MLLT10: variants seen among roughly 807,000 people sequenced by gnomAD.
MLLT10 encodes the protein protein AF-10.
Under a neutral mutation model 129.1 loss-of-function variants are expected in MLLT10, and 30 were observed. The ratio of observed to expected loss-of-function variants is 0.23; its 90% CI spans 0.17 to 0.32. The LOEUF (loss-of-function observed/expected upper bound fraction) is 0.32. Among genes scored for constraint, MLLT10 ranks in the 10% least tolerant of loss-of-function variants. The probability of loss-of-function intolerance (pLI) is 1.00; values close to 1 mark genes in which losing one functional copy is unlikely to be tolerated. For synonymous variants in MLLT10, 490 were observed against 446.4 expected (o/e 1.10, Z -1.23); for missense variants, 1,119 against 1,268.3 (o/e 0.88, Z 1.79).
Position 21,642,581 on chromosome 10 carries a change from G to A in MLLT10, c.700-9092G>A, listed in dbSNP as rs145201497. Among the ~76,000 whole-genome samples the A allele has an allele frequency of 6.3e-4, 96 of 151,184 alleles. 1 individual carries two copies. Among genetic ancestry groups the A allele is most frequent in the East Asian group, 4.3e-3 (22 of 5,130 alleles). On this transcript the variant is annotated intron_variant, in intron 8 of 22. Coordinates refer to ENST00000307729, the MANE Select transcript of MLLT10 (RefSeq NM_001195626.3). Reference sequence around the variant, plus strand: ...ATGAGGCAGGAGAATTGCTTGAGCCGGGGAGACGGAGGTTGCAGTGAGCCA... The same window carrying A: ...ATGAGGCAGGAGAATTGCTTGAGCCAGGGAGACGGAGGTTGCAGTGAGCCA...
At chr10:21,701,538 A>C (rs527682830) in intron 13 of MLLT10, among the ~76,000 whole-genome samples, 72 of 151,966 alleles carry the variant, frequency 4.7e-4, no homozygotes, top group African/African-American at 1.6e-3. Context: ...AAATTTTTTT[A>C]TATCCATCTT....
At chr10:21,549,141 T>TTA (rs1554784427) in intron 3 of MLLT10, among the ~76,000 whole-genome samples, 2 of 149,172 alleles carry the variant, frequency 1.3e-5, no homozygotes, top group Non-Finnish European at 3.0e-5. Flanking sequence ...TTTTTTTTTT[T>TTA]AGACTTGAGT....
At chr10:21,741,041 G>A (rs947048927) in intron 22 of MLLT10, among the ~76,000 whole-genome samples, 6 of 152,178 alleles carry the variant, frequency 3.9e-5, no homozygotes, top group East Asian at 1.9e-4. Context: ...GCTGTTTCCC[G>A]TTACTTTGAA....
chr10:21,535,228 C>T (rs1005056995), intron 2 of MLLT10, among the ~76,000 whole-genome samples: 15 of 152,152 alleles, frequency 9.9e-5, no homozygotes, highest in Admixed American at 7.2e-4. Flanking sequence ...TGGCCTGCAG[C>T]CGCCTGTCTG....
At chr10:21,581,033 A>G (rs1338757572) in intron 3 of MLLT10, among the ~76,000 whole-genome samples, 1 of 147,398 alleles carries the variant, frequency 6.8e-6, no homozygotes, top group African/African-American at 2.5e-5. Flanking sequence ...TTTTCTTTTA[A>G]TGTTCAGTGA....
rs529658220 is a variant in MLLT10 at position 21,715,176 on chromosome 10, C to T, written c.1878+1226C>T. ...TGCGTGTGTTGTTAGGATATATATACGCTTTTCCGGCAAGCACAATGTTAG... is the reference window on the plus strand; with the variant it reads ...TGCGTGTGTTGTTAGGATATATATATGCTTTTCCGGCAAGCACAATGTTAG... On this transcript the variant is annotated intron_variant, in intron 14 of 22. Transcript: ENST00000307729. Among the ~76,000 whole-genome samples, 6 of 152,262 alleles carry T rather than the reference C, an allele frequency of 3.9e-5. No homozygotes were observed. The South Asian group carries it at 1.0e-3, about 26-fold the overall frequency.
At chr10:21,603,854 TCTG>T (rs2043804743) in intron 5 of MLLT10, among the ~76,000 whole-genome samples, 1 of 151,630 alleles carries the variant, frequency 6.6e-6, no homozygotes, top group African/African-American at 2.4e-5. Flanking sequence ...CACCCTAATC[TCTG>T]CTGCTATCTT....
chr10:21,699,105 C>T (rs1229281618), intron 13 of MLLT10, among the ~76,000 whole-genome samples: 1 of 152,176 alleles, frequency 6.6e-6, no homozygotes, highest in African/African-American at 2.4e-5. Flanking sequence ...AAACTCCTGA[C>T]CTCAGGTGAT....
rs1459327261 is a variant in MLLT10 at position 21,689,729 on chromosome 10, C to T, written c.1699+7472C>T. Among the ~76,000 whole-genome samples the T allele has an allele frequency of 5.4e-5, 8 of 148,110 alleles. No individual in the cohort carries two copies. The Admixed American group carries it at 5.4e-4, about 10-fold the overall frequency. On this transcript the variant is annotated intron_variant, in intron 13 of 22. Transcript: ENST00000307729. Reference sequence around the variant, plus strand: ...TTGATATGAAAAATAACAACATTAGCTATTAGTCCAAGGAGTTGAAAGCAG... The same window carrying T: ...TTGATATGAAAAATAACAACATTAGTTATTAGTCCAAGGAGTTGAAAGCAG...
At chr10:21,680,898 G>A (rs746231775) in intron 11 of MLLT10, among the ~76,000 whole-genome samples, 15 of 151,860 alleles carry the variant, frequency 9.9e-5, no homozygotes, top group Non-Finnish European at 1.5e-4. Flanking sequence ...CTTGAACCCA[G>A]TGAGCCGAGC....
intron 3 of MLLT10, among the ~76,000 whole-genome samples, chr10:21,547,628 C>G (rs988798177): frequency 4.6e-5 from 7 of 151,398 alleles, no homozygotes; most frequent in African/African-American, 1.7e-4. Flanking sequence ...TCAAGTGATT[C>G]TCATGGGTTC....
chr10:21,650,108 A>G (rs565440079), intron 8 of MLLT10, among the ~76,000 whole-genome samples: 82 of 152,296 alleles, frequency 5.4e-4, no homozygotes, highest in African/African-American at 1.9e-3. Context: ...CTGGTGGCAC[A>G]TGCCTGTAGT....
chr10:21,566,583 C>T (rs2039604567), intron 3 of MLLT10, among the ~76,000 whole-genome samples: 2 of 152,258 alleles, frequency 1.3e-5, no homozygotes, highest in South Asian at 4.2e-4. Flanking sequence ...CTACCTTGGC[C>T]TCCCAAAGTG....
intron 10 of MLLT10, among the ~76,000 whole-genome samples, 197 bp from the exon 11 acceptor site, chr10:21,673,153 C>T (rs1564622520): frequency 6.6e-6 from 1 of 151,978 alleles, no homozygotes; most frequent in Non-Finnish European, 1.5e-5. Context: ...TAAAATGACA[C>T]ATGTTTTTAA....
intron 3 of MLLT10, among the ~76,000 whole-genome samples, chr10:21,544,961 C>G (rs1251957564): frequency 6.6e-6 from 1 of 152,150 alleles, no homozygotes; most frequent in Non-Finnish European, 1.5e-5. Flanking sequence ...GCCTGACCAA[C>G]ATGGAGAAAC....
chr10:21,537,418 C>G (rs2034243779), intron 2 of MLLT10, among the ~76,000 whole-genome samples: 1 of 152,136 alleles, frequency 6.6e-6, no homozygotes, highest in Non-Finnish European at 1.5e-5. Context: ...CTGCCTCAGC[C>G]TCCTGAGTAG....
chr10:21,573,848 G>A (rs1392478008), intron 3 of MLLT10, among the ~76,000 whole-genome samples: 1 of 152,108 alleles, frequency 6.6e-6, no homozygotes, highest in African/African-American at 2.4e-5. Flanking sequence ...ATCCATGTGA[G>A]CCACCACAAC....
intron 3 of MLLT10, among the ~76,000 whole-genome samples, chr10:21,559,992 C>T (rs1367832042): frequency 1.3e-5 from 2 of 151,806 alleles, no homozygotes; most frequent in Admixed American, 6.6e-5. Flanking sequence ...TGCTGGATCA[C>T]ATGGTAATTC....
At chr10:21,706,073 T>G (rs1320450226) in intron 13 of MLLT10, among the ~76,000 whole-genome samples, 1 of 152,218 alleles carries the variant, frequency 6.6e-6, no homozygotes, top group Non-Finnish European at 1.5e-5. Flanking sequence ...GTTGTTAGTT[T>G]TTTGTTGAAT....
Sources: gnomAD v4.1 joint callset for allele counts (sites outside exome capture counted in the v4.1 genomes callset) on GRCh38, gnomAD v4.1.1 for gene constraint, MANE v1.5 for transcripts, NCBI Gene and HGNC (gene_info 2026-07-23, HGNC 2026-07-21) for gene names.